Variants in IL23R observed in about 807,000 individuals in gnomAD.
The protein encoded by IL23R is interleukin-23 receptor.
Under a neutral mutation model 56.9 loss-of-function variants are expected in IL23R, and 34 were observed. The observed-to-expected ratio is 0.60, with a 90% CI of 0.45 to 0.80. The LOEUF (loss-of-function observed/expected upper bound fraction) is 0.80, where lower values mean the gene tolerates loss of function less well. Among genes scored for constraint, IL23R ranks in the 30% least tolerant of loss-of-function variants. IL23R has a pLI of 0.00. For missense variants in IL23R, 635 were observed against 730.0 expected (o/e 0.87, Z 1.50); for synonymous variants, 230 against 249.2 (o/e 0.92, Z 0.73).
chr1:67,241,158 T>A (rs920495577), intron 9 of IL23R, among the ~76,000 whole-genome samples: 3 of 152,220 alleles, frequency 2.0e-5, no homozygotes, highest in African/African-American at 7.2e-5. Flanking sequence ...TTTCTCAATT[T>A]TGAGAGATTG....
intron 9 of IL23R, among the ~76,000 whole-genome samples, chr1:67,251,773 TA>T (rs926709510): frequency 2.0e-5 from 3 of 152,178 alleles, no homozygotes; most frequent in African/African-American, 7.2e-5. Flanking sequence ...ACTGTGAAAG[TA>T]AAAAACTTTA....
At chr1:67,186,003 G>T (rs1174434820) in intron 4 of IL23R, among the ~76,000 whole-genome samples, 1 of 152,208 alleles carries the variant, frequency 6.6e-6, no homozygotes, top group African/African-American at 2.4e-5. Flanking sequence ...AAAGTCACTT[G>T]ACTAAGAAGT....
At chr1:67,183,045 G>T in intron 4 of IL23R, 86 bp downstream of exon 4, 1 of 1,458,984 alleles carries the variant, frequency 6.9e-7, no homozygotes, top group African/African-American at 1.4e-5. Flanking sequence ...CAAGAAATCA[G>T]CCTCAAACAT....
rs767104591 is a variant in IL23R, at chr1:67,219,646, G to A, written c.871G>A (p.Val291Ile). The A allele has an allele frequency of 2.5e-5, 40 of 1,613,850 alleles. No individual in the cohort carries two copies. The highest frequency in any genetic ancestry group is 6.6e-5 in the South Asian group (6 of 91,088). Reference sequence around the variant, plus strand: ...CTACTTGGAGCCAAACATTAAGTACGTATTTCAAGTGAGATGTCAAGAAAC... The same window carrying A: ...CTACTTGGAGCCAAACATTAAGTACATATTTCAAGTGAGATGTCAAGAAAC... ...EFYLEPNIKY[V>I]FQVRCQETGK... is the part of the protein sequence containing the mutation. The change falls in exon 7 of 11, where the codon GTA becomes ATA. Residue 291 changes from valine to isoleucine, a missense_variant. Transcript: ENST00000347310.
At chr1:67,140,403 T>A (rs961396358) in intron 1 of IL23R, among the ~76,000 whole-genome samples, 3 of 152,202 alleles carry the variant, frequency 2.0e-5, no homozygotes, top group Non-Finnish European at 4.4e-5. Flanking sequence ...AAAGAATGTA[T>A]GCTGAATATA....
chr1:67,169,400 G>T lies in IL23R; in HGVS notation c.129G>T (p.Lys43Asn). ...GGGTAGAACCAGCCACAATTTTTAA[G>T]ATGGGTATGAATATCTCTATATATT... ...HIWVEPATIF[K>N]MGMNISIYCQ... The change falls in exon 3 of 11, where the codon AAG (lysine) becomes AAT (asparagine). Residue 43 changes from lysine to asparagine, a missense_variant. Coordinates refer to ENST00000347310, the MANE Select transcript of IL23R (RefSeq NM_144701.3). 1 of 1,613,468 alleles carries T rather than the reference G, an allele frequency of 6.2e-7. No individual in the cohort carries two copies. Among genetic ancestry groups the T allele is most frequent in the Non-Finnish European group, 8.5e-7 (1 of 1,179,574 alleles).
intron 4 of IL23R, among the ~76,000 whole-genome samples, chr1:67,195,324 T>C (rs1030870748): frequency 6.6e-6 from 1 of 152,224 alleles, no homozygotes; most frequent in Non-Finnish European, 1.5e-5. Context: ...TGAGCCACCA[T>C]GCCTGGCCTC....
chr1:67,236,824 T>G (rs772155586), intron 8 of IL23R, 22 bp downstream of exon 8: 1 of 1,482,060 alleles, frequency 6.7e-7, no homozygotes, highest in South Asian at 1.1e-5. Context: ...CAACTTAGGC[T>G]TTTTGAGTAG....
intron 9 of IL23R, among the ~76,000 whole-genome samples, chr1:67,253,136 C>T (rs1652741761): frequency 6.6e-6 from 1 of 152,168 alleles, no homozygotes; most frequent in African/African-American, 2.4e-5. Context: ...CAGCTTGAAT[C>T]AGTGTGAAGG....
Position 67,182,928 on chromosome 1 carries a change from A to G in IL23R, c.460A>G (p.Ile154Val). 1 of 1,614,120 alleles carries G rather than the reference A, an allele frequency of 6.2e-7. No individual in the cohort carries two copies. The highest frequency in any genetic ancestry group is 8.5e-7 in the Non-Finnish European group (1 of 1,179,970). ...CTWNAGKLTY[I>V]DTKYVVHVKS... ...CTGGAATGCTGGGAAGCTCACCTAC[A>G]TAGACACAAAATACGTGGTACATGT... is the stretch of plus-strand genomic sequence containing the variant. The change falls in exon 4 of 11, where the codon ATA becomes GTA. Residue 154 changes from isoleucine to valine, a missense_variant. Ile to Val is a conservative substitution (Grantham distance 29, BLOSUM62 3). Transcript: ENST00000347310.
At chr1:67,159,873 C>T (rs755268732) in intron 1 of IL23R, among the ~76,000 whole-genome samples, 14 of 152,270 alleles carry the variant, frequency 9.2e-5, no homozygotes, top group South Asian at 2.1e-4. Flanking sequence ...ATCTGTACGA[C>T]GCATTAATTA....
chr1:67,240,215 T>C lies in IL23R; in HGVS notation c.1082T>C (p.Ile361Thr), dbSNP rs1302959794. 8.1e-6 allele frequency: 13 copies of C among 1,612,884 alleles called. No homozygotes were observed. In the African/African-American group the frequency reaches 1.2e-4, roughly 15 times the overall value. The change falls in exon 9 of 11, where the codon ATC becomes ACC. Residue 361 changes from isoleucine (I) to threonine (T), a missense_variant. Ile to Thr is a moderately conservative substitution (Grantham distance 89, BLOSUM62 -1). Transcript: ENST00000347310. ...GACATTGGACTTTTATTGGGAATGA[T>C]CGTCTTTGCTGTTATGTTGTCAATT... The part of the protein sequence containing the change: ...RGDIGLLLGM[I>T]VFAVMLSILS...
At chr1:67,241,262 G>A (rs1651834462) in intron 9 of IL23R, among the ~76,000 whole-genome samples, 1 of 152,212 alleles carries the variant, frequency 6.6e-6, no homozygotes, top group African/African-American at 2.4e-5. Context: ...AGTGGGTTCT[G>A]TAAGGTGGCA....
intron 3 of IL23R, among the ~76,000 whole-genome samples, chr1:67,180,754 G>A (rs1570798513): frequency 6.6e-6 from 1 of 152,146 alleles, no homozygotes; most frequent in Non-Finnish European, 1.5e-5. Flanking sequence ...GCAGTGGCTG[G>A]TACTGGTTTT....
intron 5 of IL23R, among the ~76,000 whole-genome samples, chr1:67,201,608 G>A (rs11209018): frequency 0.42 from 63,780 of 150,438 alleles, 14,027 homozygotes; most frequent in South Asian, 0.61. Context: ...TGAGTCTTAC[G>A]TTGTGAAAAG....
At chr1:67,139,112 C>G (rs1307802223) in exon 1 of IL23R, 1 of 152,420 alleles carries the variant, frequency 6.6e-6, no homozygotes, top group Admixed American at 6.5e-5. Context: ...CAGGGTCAAG[C>G]GATCACTGAA....
chr1:67,247,066 A>T (rs957501806), intron 9 of IL23R, among the ~76,000 whole-genome samples: 6 of 151,836 alleles, frequency 4.0e-5, no homozygotes, highest in Non-Finnish European at 8.8e-5. Context: ...TCATTATGTA[A>T]TGCCCTTCTT....
intron 6 of IL23R, among the ~76,000 whole-genome samples, chr1:67,208,685 A>G (rs1649249569): frequency 6.6e-6 from 1 of 152,178 alleles, no homozygotes; most frequent in Non-Finnish European, 1.5e-5. Context: ...TGGCCAGGTG[A>G]AAGTTTGCTG....
At chr1:67,252,532 C>T (rs1421852992) in intron 9 of IL23R, among the ~76,000 whole-genome samples, 1 of 150,920 alleles carries the variant, frequency 6.6e-6, no homozygotes, top group East Asian at 1.9e-4. Context: ...CTCTGAAATC[C>T]AAAAGAGAAC....
Sources: allele counts gnomAD v4.1 joint callset (sites outside exome capture counted in the v4.1 genomes callset), GRCh38; gene constraint gnomAD v4.1.1; transcripts MANE v1.5; gene names NCBI Gene and HGNC (gene_info 2026-07-23, HGNC 2026-07-21).